The following KCNIP4 variants were observed in gnomAD, a reference collection of about 807,000 sequenced individuals.
KCNIP4 encodes Kv channel-interacting protein 4.
In KCNIP4, 12 loss-of-function variants were observed where a neutral mutation model predicts 34.0. That is an observed-to-expected ratio of 0.35 (90% CI 0.23 to 0.57). The LOEUF is 0.57. Among genes scored for constraint, KCNIP4 ranks in the 20% least tolerant of loss-of-function variants. The pLI is 0.83. For missense variants in KCNIP4, 238 were observed against 311.7 expected (o/e 0.76, Z 1.78); for synonymous variants, 124 against 102.2 (o/e 1.21, Z -1.29).
chr4:21,483,379 G>A (rs1174499781), intron 1 of KCNIP4, among the ~76,000 whole-genome samples: 1 of 152,124 alleles, frequency 6.6e-6, no homozygotes, highest in Non-Finnish European at 1.5e-5. Context: ...TGTAGTCCCT[G>A]ATGCTACAGG....
intron 1 of KCNIP4, among the ~76,000 whole-genome samples, chr4:21,790,602 A>G (rs892388166): frequency 1.4e-5 from 2 of 141,822 alleles, no homozygotes; most frequent in Non-Finnish European, 3.0e-5. Context: ...AAAACACATT[A>G]AGAAAAAAAA....
intron 1 of KCNIP4, among the ~76,000 whole-genome samples, chr4:21,862,058 C>A (rs1338611828): frequency 6.6e-6 from 1 of 152,182 alleles, no homozygotes; most frequent in Non-Finnish European, 1.5e-5. Context: ...TCCCTTTGCT[C>A]TGAAGTCTCC....
intron 1 of KCNIP4, among the ~76,000 whole-genome samples, chr4:21,019,537 G>A (rs534890789): frequency 3.2e-4 from 48 of 152,174 alleles, no homozygotes; most frequent in African/African-American, 1.2e-3. Context: ...CTGGGAGTGA[G>A]GACTTCAACA....
At chr4:21,273,287 A>G (rs1762261312) in intron 1 of KCNIP4, among the ~76,000 whole-genome samples, 1 of 152,098 alleles carries the variant, frequency 6.6e-6, no homozygotes, top group African/African-American at 2.4e-5. Flanking sequence ...TATCCTCTAT[A>G]GCAATTTCTT....
At chr4:21,801,254 G>T (rs536541928) in intron 1 of KCNIP4, among the ~76,000 whole-genome samples, 2 of 152,060 alleles carry the variant, frequency 1.3e-5, no homozygotes, top group Admixed American at 6.6e-5. Flanking sequence ...TGTTAAAATC[G>T]TCAAGGAATA....
chr4:21,204,755 T>A (rs946313967), intron 1 of KCNIP4, among the ~76,000 whole-genome samples: 22 of 152,342 alleles, frequency 1.4e-4, no homozygotes, highest in African/African-American at 1.7e-4. Flanking sequence ...GCAGCTTTTT[T>A]AGAAAGGGAA....
chr4:21,303,493 C>T (rs1469602492), intron 1 of KCNIP4, among the ~76,000 whole-genome samples: 1 of 152,122 alleles, frequency 6.6e-6, no homozygotes, highest in African/African-American at 2.4e-5. Flanking sequence ...AATAATCAAG[C>T]ATCAGTATGG....
intron 1 of KCNIP4, among the ~76,000 whole-genome samples, chr4:21,245,458 G>T (rs567196493): frequency 6.6e-5 from 10 of 152,178 alleles, no homozygotes; most frequent in African/African-American, 2.4e-4. Flanking sequence ...CTTTTGCTTT[G>T]CTTTTTCATT....
intron 1 of KCNIP4, among the ~76,000 whole-genome samples, chr4:21,318,562 GTTATGCATTGTGTATATA>G (rs1276671465): frequency 1.3e-5 from 2 of 152,038 alleles, no homozygotes; most frequent in African/African-American, 2.4e-5. Context: ...TTTTTTGAGA[GTTATGCATTGTGTATATA>G]AGTACTGTGC....
chr4:21,421,947 AC>A (rs1193379968), intron 1 of KCNIP4, among the ~76,000 whole-genome samples: 1 of 152,270 alleles, frequency 6.6e-6, no homozygotes, highest in East Asian at 1.9e-4. Flanking sequence ...CTATCATATT[AC>A]TTTTTTCAAT....
chr4:21,104,125 G>A (rs1748248303), intron 1 of KCNIP4, among the ~76,000 whole-genome samples: 2 of 151,958 alleles, frequency 1.3e-5, no homozygotes, highest in African/African-American at 4.8e-5. Context: ...GGGTCAAATG[G>A]TATTTCTAGT....
intron 1 of KCNIP4, among the ~76,000 whole-genome samples, chr4:21,064,031 ATAAT>A (rs1451349523): frequency 1.3e-5 from 2 of 152,166 alleles, no homozygotes; most frequent in East Asian, 1.9e-4. Context: ...AAACTTGAAA[ATAAT>A]TAATTCTTAA....
chr4:21,484,845 A>T (rs992102987), intron 1 of KCNIP4, among the ~76,000 whole-genome samples: 4 of 152,138 alleles, frequency 2.6e-5, no homozygotes, highest in African/African-American at 9.7e-5. Context: ...TTATTTACTC[A>T]TCTGACTCCT....
chr4:20,847,285 T>C (rs1442030370), intron 3 of KCNIP4, among the ~76,000 whole-genome samples: 2 of 152,188 alleles, frequency 1.3e-5, no homozygotes, highest in Non-Finnish European at 2.9e-5. Context: ...TAACATGACC[T>C]GAGGCTGAGT....
intron 1 of KCNIP4, among the ~76,000 whole-genome samples, chr4:21,787,498 C>G (rs1204777878): frequency 6.6e-6 from 1 of 152,166 alleles, no homozygotes; most frequent in African/African-American, 2.4e-5. Flanking sequence ...ATACTAAATG[C>G]TCTTTGTCAT....
intron 1 of KCNIP4, among the ~76,000 whole-genome samples, chr4:20,900,819 AC>A (rs1193207513): frequency 5.9e-5 from 9 of 152,092 alleles, no homozygotes; most frequent in Non-Finnish European, 1.2e-4. Flanking sequence ...GAAAAAAAAA[AC>A]ACCCAAGGAT....
intron 1 of KCNIP4, among the ~76,000 whole-genome samples, chr4:21,692,188 C>T (rs1560634653): frequency 6.6e-6 from 1 of 152,006 alleles, no homozygotes; most frequent in Non-Finnish European, 1.5e-5. Context: ...AGGCTTTAAC[C>T]CTGCAAGCTT....
intron 1 of KCNIP4, among the ~76,000 whole-genome samples, chr4:21,806,197 C>T (rs115034386): frequency 0.028 from 4,247 of 152,252 alleles, 186 homozygotes; most frequent in African/African-American, 0.097. Context: ...TTTTAAGGTA[C>T]AGTCCCACAA....
At chr4:21,589,048 T>A (rs1741895232) in intron 1 of KCNIP4, among the ~76,000 whole-genome samples, 1 of 149,546 alleles carries the variant, frequency 6.7e-6, no homozygotes, top group Admixed American at 6.7e-5. Context: ...ATGGAAATAA[T>A]GCAATAGTGA....
Sources: allele counts gnomAD v4.1 joint callset (sites outside exome capture counted in the v4.1 genomes callset), GRCh38; gene constraint gnomAD v4.1.1; transcripts MANE v1.5; gene names NCBI Gene and HGNC (gene_info 2026-07-23, HGNC 2026-07-21).